The following NBAS variants were observed in gnomAD, a reference collection of about 807,000 sequenced individuals.
The protein encoded by NBAS is NAG/BC035112 fusion.
Under a neutral mutation model 302.5 loss-of-function variants are expected in NBAS, and 219 were observed. That is an observed-to-expected ratio of 0.72 (90% CI 0.65 to 0.81). The LOEUF (loss-of-function observed/expected upper bound fraction) is 0.81, where lower values mean the gene tolerates loss of function less well. Ranked by LOEUF, NBAS falls within the 30% of genes least tolerant of loss-of-function variation. The pLI, the probability that NBAS is intolerant of heterozygous loss-of-function variation, is 0.00. For missense variants in NBAS, 2,932 were observed against 2,841.6 expected, an observed-to-expected ratio of 1.03 and a Z score of -0.72; for synonymous variants, 1,118 against 1,021.6, an observed-to-expected ratio of 1.09 and a Z score of -1.80.
At position 15,493,010 on chromosome 2, in the gene NBAS, C is replaced by A. The variant is rs564856324; in HGVS notation, c.955-3988G>T. Among the ~76,000 whole-genome samples the A allele has an allele frequency of 3.3e-5, 5 of 152,240 alleles. No individual in the cohort carries two copies. The East Asian group carries it at 9.7e-4, about 29-fold the overall frequency. On this transcript the variant is annotated intron_variant, in intron 11 of 51. Coordinates refer to ENST00000281513, the MANE Select transcript of NBAS (RefSeq NM_015909.4). The stretch of plus-strand genomic sequence containing the variant: ...TAATCCCCATGTGTCAGGGGAGGGA[C>A]CTAGTGGGAGGTGACTGGATCATGG...
intron 38 of NBAS, among the ~76,000 whole-genome samples, chr2:15,319,412 G>A (rs1046387037): frequency 2.6e-5 from 4 of 151,894 alleles, no homozygotes; most frequent in African/African-American, 9.7e-5. Context: ...CAGAACTGAA[G>A]GAGATAGAGA....
At chr2:14,938,290 T>C in the NBAS span, among the ~76,000 whole-genome samples, 1 of 152,228 alleles carries the variant, frequency 6.6e-6, no homozygotes, top group East Asian at 1.9e-4. Flanking sequence ...AAAGAAAAAA[T>C]GTATACAGAT....
chr2:15,358,396 ATGTG>A (rs147366181), intron 32 of NBAS, among the ~76,000 whole-genome samples: 35 of 151,744 alleles, frequency 2.3e-4, no homozygotes, highest in African/African-American at 7.5e-4. Context: ...GTGTGTGTGT[ATGTG>A]TGTGTGTGCG....
At chr2:14,958,666 T>C in the NBAS span, among the ~76,000 whole-genome samples, 37 of 152,340 alleles carry the variant, frequency 2.4e-4, no homozygotes, top group Non-Finnish European at 3.1e-4. Context: ...ATTAACAAAA[T>C]GCTTCATGAG....
chr2:15,228,892 G>A (rs1377552893), intron 47 of NBAS, among the ~76,000 whole-genome samples: 1 of 152,010 alleles, frequency 6.6e-6, no homozygotes, highest in African/African-American at 2.4e-5. Flanking sequence ...AATAAGTTTT[G>A]GTGTCTTATT....
intron 28 of NBAS, among the ~76,000 whole-genome samples, chr2:15,390,198 C>G (rs1338325488): frequency 6.6e-6 from 1 of 152,218 alleles, no homozygotes; most frequent in Non-Finnish European, 1.5e-5. Flanking sequence ...TAAGCAGAGT[C>G]TTAGCTCAGT....
the NBAS span, among the ~76,000 whole-genome samples, chr2:15,104,537 C>T: frequency 6.6e-6 from 1 of 151,532 alleles, no homozygotes; most frequent in Non-Finnish European, 1.5e-5. Context: ...GATGTCACAG[C>T]ACAGAAAAAT....
At chr2:15,466,114 T>A (rs1006095731) in intron 19 of NBAS, among the ~76,000 whole-genome samples, 1 of 152,208 alleles carries the variant, frequency 6.6e-6, no homozygotes, top group African/African-American at 2.4e-5. Flanking sequence ...AATGTTTTTT[T>A]AATAACCACA....
the NBAS span, among the ~76,000 whole-genome samples, chr2:15,012,667 C>T: frequency 6.6e-6 from 1 of 152,044 alleles, no homozygotes; most frequent in Non-Finnish European, 1.5e-5. Flanking sequence ...TGTCAAGTTA[C>T]ATATAAGGAA....
intron 9 of NBAS, among the ~76,000 whole-genome samples, chr2:15,523,572 A>T (rs183604282): frequency 6.6e-6 from 1 of 152,338 alleles, no homozygotes; most frequent in African/African-American, 2.4e-5. Context: ...GAGGGGTCCT[A>T]GAACCAAGCC....
At chr2:15,197,893 CT>C (rs1260968751) in intron 48 of NBAS, among the ~76,000 whole-genome samples, 2 of 152,176 alleles carry the variant, frequency 1.3e-5, no homozygotes, top group Non-Finnish European at 2.9e-5. Flanking sequence ...TCCATGTTCC[CT>C]TTTAGTTTTG....
intron 32 of NBAS, among the ~76,000 whole-genome samples, chr2:15,363,382 T>C (rs1207006745): frequency 2.0e-5 from 3 of 152,220 alleles, no homozygotes; most frequent in Non-Finnish European, 1.5e-5. Context: ...CTTTCTCTTA[T>C]GTTATCAGAT....
chr2:15,024,106 A>G, the NBAS span, among the ~76,000 whole-genome samples: 116,860 of 151,680 alleles, frequency 0.77, 45,271 homozygotes, highest in East Asian at 1. Context: ...GTTTTTTTCT[A>G]AACCTCTCCC....
At chr2:15,102,216 T>A in the NBAS span, among the ~76,000 whole-genome samples, 1 of 151,988 alleles carries the variant, frequency 6.6e-6, no homozygotes, top group East Asian at 1.9e-4. Context: ...AGACGCAAGG[T>A]CAAAACTAGA....
the NBAS span, among the ~76,000 whole-genome samples, chr2:14,868,424 A>G: frequency 2.6e-5 from 4 of 152,208 alleles, no homozygotes; most frequent in African/African-American, 9.6e-5. Context: ...CAACATCTAC[A>G]TGTGGTTTAC....
At chr2:15,101,482 TA>T in the NBAS span, among the ~76,000 whole-genome samples, 1 of 8,904 alleles carries the variant, frequency 1.1e-4, no homozygotes, top group Non-Finnish European at 1.7e-4. Context: ...TAGTAATATA[TA>T]AATGCATGTA....
chr2:15,257,966 T>C (rs1668678061), intron 44 of NBAS, among the ~76,000 whole-genome samples: 1 of 152,194 alleles, frequency 6.6e-6, no homozygotes, highest in Non-Finnish European at 1.5e-5. Flanking sequence ...TTAAAAACAA[T>C]ATTTAAATCT....
chr2:15,460,020 CAT>C (rs10556103), intron 21 of NBAS, among the ~76,000 whole-genome samples: 91,554 of 151,526 alleles, frequency 0.6, 28,617 homozygotes, highest in Non-Finnish European at 0.68. Flanking sequence ...GTGCCAAATA[CAT>C]AGTAATTACT....
the NBAS span, among the ~76,000 whole-genome samples, chr2:15,123,655 T>C: frequency 6.6e-6 from 1 of 152,032 alleles, no homozygotes; most frequent in Non-Finnish European, 1.5e-5. Context: ...CCTCTCTGTC[T>C]TGCTCCCACT....
Sources: gnomAD v4.1 joint callset for allele counts (sites outside exome capture counted in the v4.1 genomes callset) on GRCh38, gnomAD v4.1.1 for gene constraint, MANE v1.5 for transcripts, NCBI Gene and HGNC (gene_info 2026-07-23, HGNC 2026-07-21) for gene names.